ATP6V1D: variants seen among roughly 807,000 people sequenced by gnomAD.
ATP6V1D encodes V-type proton ATPase subunit D.
ATP6V1D carries 20 observed loss-of-function variants against 39.4 expected under a neutral mutation model. The observed-to-expected ratio is 0.51, with a 90% CI of 0.36 to 0.74. The LOEUF (loss-of-function observed/expected upper bound fraction) is 0.74. Ranked by LOEUF, ATP6V1D falls within the 30% of genes least tolerant of loss-of-function variation. The pLI, the probability that ATP6V1D is intolerant of heterozygous loss-of-function variation, is 0.00. For synonymous variants in ATP6V1D, 100 were observed against 100.5 expected, an observed-to-expected ratio of 0.99 and a Z score of 0.03; for missense variants, 228 against 291.6, an observed-to-expected ratio of 0.78 and a Z score of 1.59.
In ATP6V1D at chr14:67,347,429, T is replaced by C; in HGVS notation, c.332A>G (p.His111Arg). The change falls in exon 5 of 9, where the codon CAT becomes CGT. Residue 111 changes from histidine (H) to arginine (R), a missense_variant. Around this residue, in one of 3 missense-constraint regions of ATP6V1D, gnomAD observed 10 missense variants for 43.0 expected, o/e 0.23. Transcript: ENST00000216442. ...VAGVTLPVFE[H>R]YHEGTDSYEL... ...CTTACTGTCAGTTCCTTCATGGTAA[T>C]GTTCAAATACTGGCAAAGTAACACC... 1.2e-6 allele frequency: 2 copies of C among 1,608,464 alleles called. No individual in the cohort carries two copies. The highest frequency in any genetic ancestry group is 1.3e-5 in the African/African-American group (1 of 74,722).
intron 1 of ATP6V1D, among the ~76,000 whole-genome samples, chr14:67,354,419 A>G (rs1188309221): frequency 6.6e-6 from 1 of 152,208 alleles, no homozygotes; most frequent in African/African-American, 2.4e-5. Context: ...AAAATTTTAA[A>G]TGCAATTATT....
chr14:67,345,624 C>G (rs1000899111), intron 6 of ATP6V1D, 144 bp downstream of exon 6: 12 of 557,154 alleles, frequency 2.2e-5, no homozygotes, highest in Admixed American at 3.4e-5. Flanking sequence ...CTTCAGAAAT[C>G]AAAATATTAT....
chr14:67,349,380 G>A (rs1157718543), intron 3 of ATP6V1D, among the ~76,000 whole-genome samples: 2 of 152,202 alleles, frequency 1.3e-5, no homozygotes, highest in Non-Finnish European at 2.9e-5. Flanking sequence ...TCAGTCAGAG[G>A]TGTGCTACAT....
chr14:67,343,586 C>T, intron 6 of ATP6V1D, 148 bp from the exon 7 acceptor site: 3 of 613,058 alleles, frequency 4.9e-6, no homozygotes, highest in Non-Finnish European at 8.6e-6. Context: ...AATTCTTAGG[C>T]TGGGCGCATG....
rs2085557757 is a variant in ATP6V1D, at chr14:67,338,749, G to T, written c.616C>A (p.Gln206Lys). Residue 206 changes from glutamine (Q) to lysine (K), a missense_variant, in exon 9 of 9, where the codon CAA (glutamine) becomes AAA (lysine). Gln to Lys is a moderately conservative substitution (Grantham distance 53). Transcript: ENST00000216442. The stretch of plus-strand genomic sequence containing the variant: ...TCCTTTAGAATCTTTTTCTTCTCTT[G>T]TATTTTCTTTAACCTGTAAAATACA... ...REEFYRLKKI[Q>K]EKKKILKEKS... The T allele has an allele frequency of 6.2e-7, 1 of 1,611,902 alleles. No individual in the cohort carries two copies. Among genetic ancestry groups the T allele is most frequent in the Non-Finnish European group, 8.5e-7 (1 of 1,178,420 alleles).
intron 5 of ATP6V1D, among the ~76,000 whole-genome samples, chr14:67,346,824 T>G (rs1264244319): frequency 6.6e-6 from 1 of 152,188 alleles, no homozygotes; most frequent in Non-Finnish European, 1.5e-5. Context: ...CAGTGCATTG[T>G]GGGTGTAGGA....
chr14:67,346,281 G>C lies in ATP6V1D; in HGVS notation c.353-410C>G, dbSNP rs963058166. On this transcript the variant is annotated intron_variant, in intron 5 of 8. Transcript: ENST00000216442. Reference sequence around the variant, plus strand: ...TTTAATTAAATATCACATGAAGCAAGGAAATACAAGTGCCAAAAGAAAGAA... The same window carrying C: ...TTTAATTAAATATCACATGAAGCAACGAAATACAAGTGCCAAAAGAAAGAA... 2.6e-5 allele frequency among the ~76,000 whole-genome samples: 4 copies of C among 152,160 alleles called. No homozygotes were observed. In the South Asian group the frequency reaches 8.3e-4, roughly 32 times the overall value.
In ATP6V1D at chr14:67,347,535, CTT is replaced by C. The variant is rs1338966375; in HGVS notation, c.308-84_308-83del. On this transcript the variant is annotated intron_variant, in intron 4 of 8. Coordinates refer to ENST00000216442, the MANE Select transcript of ATP6V1D (RefSeq NM_015994.4). ...TTTTTTTCTGAGACGGAGTTTTGCTCTTGTCGCCGAGGCTGGAATGCAATGGC... is the reference window on the plus strand; with the variant it reads ...TTTTTTTCTGAGACGGAGTTTTGCTCGTCGCCGAGGCTGGAATGCAATGGC... 4.9e-6 allele frequency: 6 copies of C among 1,234,728 alleles called. 1 individual carries two copies. Among genetic ancestry groups the C allele is most frequent in the East Asian group, 2.6e-5 (1 of 39,214 alleles). The allele number at this position is 1,234,728 out of a possible 1,614,324, so 76.5% of individuals were successfully genotyped here. A position where few individuals can be genotyped will look rare whatever the true frequency, so the allele number is the denominator to read the frequency against.
intron 1 of ATP6V1D, among the ~76,000 whole-genome samples, chr14:67,357,438 T>C (rs1420268599): frequency 1.3e-5 from 2 of 152,216 alleles, no homozygotes; most frequent in Non-Finnish European, 2.9e-5. Flanking sequence ...GAAGAGATTA[T>C]TTCCTGCACC....
chr14:67,343,547 A>G, intron 6 of ATP6V1D, 109 bp from the exon 7 acceptor site: 1 of 818,504 alleles, frequency 1.2e-6, no homozygotes, highest in Non-Finnish European at 2.0e-6. Flanking sequence ...GAACCAAGAC[A>G]ACTTCTTTTT....
chr14:67,347,344 G>T, intron 5 of ATP6V1D, 65 bp downstream of exon 5: 5 of 1,332,356 alleles, frequency 3.8e-6, no homozygotes, highest in Non-Finnish European at 5.3e-6. Context: ...CCAGAACTTA[G>T]TTCATTTAAA....
At position 67,350,676 on chromosome 14, in the gene ATP6V1D, C is replaced by CA; in HGVS notation, c.173dup (p.Met58IlefsTer14). ...AGGCAGCTTCTCTCATCACTTCGCC[C>CA]ATCAACATTTTAGTCTGGAAAAGCA... On this transcript the variant is annotated frameshift_variant, in exon 3 of 9. Coordinates refer to ENST00000216442, the MANE Select transcript of ATP6V1D (RefSeq NM_015994.4). LOFTEE classifies it high-confidence loss of function. 1 of 1,613,366 alleles carries CA rather than the reference C, an allele frequency of 6.2e-7. No individual in the cohort carries two copies. Among genetic ancestry groups the CA allele is most frequent in the Non-Finnish European group, 8.5e-7 (1 of 1,179,640 alleles).
intron 6 of ATP6V1D, among the ~76,000 whole-genome samples, chr14:67,344,713 A>G (rs1423180619): frequency 1.3e-5 from 2 of 149,674 alleles, no homozygotes; most frequent in African/African-American, 2.5e-5. Flanking sequence ...ACCTCATCTC[A>G]ACTAAAAAAT....
At chr14:67,356,944 CA>C (rs2085689319) in intron 1 of ATP6V1D, among the ~76,000 whole-genome samples, 1 of 152,192 alleles carries the variant, frequency 6.6e-6, no homozygotes, top group Non-Finnish European at 1.5e-5. Context: ...ATATTCCAGC[CA>C]GTTTATAGTA....
At chr14:67,343,737 G>C (rs1359853586) in intron 6 of ATP6V1D, among the ~76,000 whole-genome samples, 2 of 152,200 alleles carry the variant, frequency 1.3e-5, no homozygotes, top group African/African-American at 4.8e-5. Context: ...GGGTGTAGTA[G>C]CATGCACCTG....
At chr14:67,358,294 C>G (rs1283050453) in intron 1 of ATP6V1D, among the ~76,000 whole-genome samples, 1 of 152,158 alleles carries the variant, frequency 6.6e-6, no homozygotes, top group Non-Finnish European at 1.5e-5. Flanking sequence ...TTAGTGCAAA[C>G]AGCTATTAGA....
At chr14:67,338,907 A>C (rs2085559066) in intron 8 of ATP6V1D, 145 bp from the exon 9 acceptor site, 1 of 651,462 alleles carries the variant, frequency 1.5e-6, no homozygotes. Context: ...TCAGTAATTT[A>C]TTTATAATCC....
rs202108926 is a variant in ATP6V1D, at chr14:67,342,893, GCAGT to G, written c.523+475_523+478del. Among the ~76,000 whole-genome samples, 19 of 152,062 alleles carry G rather than the reference GCAGT, an allele frequency of 1.2e-4. No individual in the cohort carries two copies. The East Asian group carries it at 3.3e-3, about 26-fold the overall frequency. ...GAGCAAAAAGTACCATCAACACTAA[GCAGT>G]CATATTTTTTAAATAGTGAAATAAA... On this transcript the variant is annotated intron_variant, in intron 7 of 8. Coordinates refer to ENST00000216442, the MANE Select transcript of ATP6V1D (RefSeq NM_015994.4).
At chr14:67,339,371 T>A (rs948227983) in intron 8 of ATP6V1D, among the ~76,000 whole-genome samples, 24 of 152,294 alleles carry the variant, frequency 1.6e-4, no homozygotes, top group African/African-American at 4.6e-4. Flanking sequence ...GGCATTTTTT[T>A]AAAATTTTGG....
Sources: allele counts gnomAD v4.1 joint callset (sites outside exome capture counted in the v4.1 genomes callset), GRCh38; gene constraint gnomAD v4.1.1; regional missense constraint gnomAD v4.1.1; transcripts MANE v1.5; gene names NCBI Gene and HGNC (gene_info 2026-07-23, HGNC 2026-07-21).